The following DDX46 variants were observed in gnomAD, a reference collection of about 807,000 sequenced individuals.
DDX46 encodes the protein DEAD-box helicase 46.
In DDX46, 30 loss-of-function variants were observed where a neutral mutation model predicts 134.9. The ratio of observed to expected loss-of-function variants is 0.22; its 90% CI spans 0.17 to 0.30. The LOEUF is 0.30. Among genes scored for constraint, DDX46 ranks in the 10% least tolerant of loss-of-function variants. The probability of loss-of-function intolerance (pLI) is 1.00; values close to 1 mark genes in which losing one functional copy is unlikely to be tolerated. For missense variants in DDX46, 622 were observed against 1,248.7 expected (o/e 0.50, Z 7.56); for synonymous variants, 415 against 404.1 (o/e 1.03, Z -0.32).
At position 134,758,830 on chromosome 5, in the gene DDX46, G is replaced by C. The variant is rs1753282409; in HGVS notation, c.-109G>C. 6.5e-7 allele frequency: 1 copy of C among 1,543,272 alleles called. No homozygotes were observed. Among genetic ancestry groups the C allele is most frequent in the Non-Finnish European group, 8.9e-7 (1 of 1,118,810 alleles). ...GCCGCCACAGCTGTAGGTGCTGCTA[G>C]TGTTTAGCGCTGGTCTTTGCCGGGC... On this transcript the variant is annotated 5_prime_UTR_variant, in exon 1 of 23. Transcript: ENST00000452510.
Position 134,770,885 on chromosome 5 carries a change from C to T in DDX46, c.351-18C>T, listed in dbSNP as rs1039134524. 2 of 1,553,172 alleles carry T rather than the reference C, an allele frequency of 1.3e-6. No individual in the cohort carries two copies. Among genetic ancestry groups the T allele is most frequent in the African/African-American group, 1.4e-5 (1 of 70,884 alleles). Reference sequence around the variant, plus strand: ...CAAATGAATGACATTTCTCTTGTCTCTTTTATTTTTTTGGTAGATCTAGGT... The same window carrying T: ...CAAATGAATGACATTTCTCTTGTCTTTTTTATTTTTTTGGTAGATCTAGGT... On this transcript the variant is annotated intron_variant, in intron 3 of 22. Transcript: ENST00000452510.
intron 5 of DDX46, among the ~76,000 whole-genome samples, chr5:134,775,682 T>TG (rs1361254894): frequency 1.3e-5 from 2 of 152,060 alleles, no homozygotes; most frequent in Non-Finnish European, 2.9e-5. Flanking sequence ...TTAGTAGAGA[T>TG]GGGGTTTCAC....
intron 11 of DDX46, 72 bp from the exon 12 acceptor site, chr5:134,788,441 A>G: frequency 7.7e-7 from 1 of 1,296,210 alleles, no homozygotes; most frequent in Admixed American, 1.8e-5. Context: ...CTAGGCAAGA[A>G]CTAAATGCAG....
chr5:134,766,190 A>G (rs952046890), intron 2 of DDX46, among the ~76,000 whole-genome samples: 1 of 152,170 alleles, frequency 6.6e-6, no homozygotes, highest in Non-Finnish European at 1.5e-5. Flanking sequence ...TAGATATTCT[A>G]TCTTAGACCA....
intron 18 of DDX46, among the ~76,000 whole-genome samples, chr5:134,815,224 G>A (rs1755254514): frequency 6.6e-6 from 1 of 152,194 alleles, no homozygotes; most frequent in South Asian, 2.1e-4. Context: ...TAAACGGACT[G>A]TTTTTATTGT....
chr5:134,829,314 T>G lies in DDX46; in HGVS notation c.*608T>G, dbSNP rs1341517750. ...TAATAGTATAAGGATTTTTTTGCATTTCTTTACACTGAGTGTAAAACTCTA... is the reference window on the plus strand; with the variant it reads ...TAATAGTATAAGGATTTTTTTGCATGTCTTTACACTGAGTGTAAAACTCTA... On this transcript the variant is annotated 3_prime_UTR_variant, in exon 23 of 23. Coordinates refer to ENST00000452510, the MANE Select transcript of DDX46 (RefSeq NM_001300860.2). 1 of 152,200 alleles carries G rather than the reference T, an allele frequency of 6.6e-6. No homozygotes were observed. Among genetic ancestry groups the G allele is most frequent in the Non-Finnish European group, 1.5e-5 (1 of 68,032 alleles). The allele number at this position is 152,200 out of a possible 1,614,324, so 9.4% of individuals were successfully genotyped here. A position where few individuals can be genotyped will look rare whatever the true frequency, so the allele number is the denominator to read the frequency against.
At chr5:134,759,720 C>T (rs190712974) in intron 1 of DDX46, among the ~76,000 whole-genome samples, 15 of 152,252 alleles carry the variant, frequency 9.9e-5, no homozygotes, top group Admixed American at 6.5e-4. Flanking sequence ...GCTAACAGTT[C>T]TTTGTTGAGG....
At chr5:134,760,570 A>C (rs1753346386) in intron 1 of DDX46, among the ~76,000 whole-genome samples, 1 of 152,194 alleles carries the variant, frequency 6.6e-6, no homozygotes, top group Non-Finnish European at 1.5e-5. Context: ...GCAATGAGTA[A>C]GATTTAATGG....
In DDX46 at chr5:134,782,048, A is replaced by G; in HGVS notation, c.1007A>G (p.Tyr336Cys). 6.3e-7 allele frequency: 1 copy of G among 1,594,698 alleles called. No individual in the cohort carries two copies. Among genetic ancestry groups the G allele is most frequent in the Non-Finnish European group, 8.5e-7 (1 of 1,176,022 alleles). The change falls in exon 8 of 23, where the codon TAT becomes TGT. Residue 336 changes from tyrosine (Y) to cysteine (C), a missense_variant. By Grantham distance (194) the Tyr-to-Cys change is radical. Transcript: ENST00000452510. ...TATGAGCCATTTAGGAAAAACTTCT[A>G]TGTTGAAGTTCCAGAACTAGCAAAA... ...IEYEPFRKNF[Y>C]VEVPELAKMS...
chr5:134,765,614 T>C (rs1215608742), intron 2 of DDX46, among the ~76,000 whole-genome samples: 1 of 151,978 alleles, frequency 6.6e-6, no homozygotes, highest in East Asian at 1.9e-4. Flanking sequence ...AAAAAAAGCT[T>C]TTCATAGAGA....
intron 21 of DDX46, among the ~76,000 whole-genome samples, chr5:134,821,069 G>T: frequency 6.9e-6 from 1 of 145,052 alleles, no homozygotes; most frequent in Non-Finnish European, 1.5e-5. Context: ...AGAGAGTCTT[G>T]CTCTGTTGCC....
In DDX46 at chr5:134,767,055, G is replaced by C; in HGVS notation, c.345G>C (p.Glu115Asp). The C allele has an allele frequency of 6.2e-7, 1 of 1,612,894 alleles. No individual in the cohort carries two copies. ...CTGGAAATAAAAGCAAGAAAACTGAGAATAGGTAATGTTATCATTGGGCTG... is the reference window on the plus strand; with the variant it reads ...CTGGAAATAAAAGCAAGAAAACTGACAATAGGTAATGTTATCATTGGGCTG... ...SSPGNKSKKT[E>D]NRSRSKEKTD... The change falls in exon 3 of 23, where the codon GAG becomes GAC. Residue 115 changes from glutamate to aspartate, a missense_variant. Transcript: ENST00000452510.
intron 1 of DDX46, among the ~76,000 whole-genome samples, chr5:134,760,745 T>A (rs1753352728): frequency 6.6e-6 from 1 of 152,176 alleles, no homozygotes; most frequent in South Asian, 2.1e-4. Context: ...TTGTTTTTGT[T>A]TTTGAGACAG....
In DDX46 at chr5:134,795,987, G is replaced by C; in HGVS notation, c.1792-1G>C. 1 of 1,612,490 alleles carries C rather than the reference G, an allele frequency of 6.2e-7. No homozygotes were observed. The highest frequency in any genetic ancestry group is 1.3e-5 in the African/African-American group (1 of 74,972). ...AACTTGATACAATATGGTGTTTTCA[G>C]ATTGTGATTGAAGAAGAAAAGAAAT... On this transcript the variant is annotated splice_acceptor_variant, in intron 14 of 22. Transcript: ENST00000452510. LOFTEE classifies it high-confidence loss of function.
chr5:134,794,227 A>G (rs1250266066), intron 13 of DDX46, among the ~76,000 whole-genome samples: 8 of 152,054 alleles, frequency 5.3e-5, no homozygotes, highest in Non-Finnish European at 8.8e-5. Flanking sequence ...CTTCAGAAAC[A>G]TGTGTACGCC....
chr5:134,785,303 C>T (rs1247928326), intron 10 of DDX46, among the ~76,000 whole-genome samples, 162 bp from the exon 11 acceptor site: 2 of 152,182 alleles, frequency 1.3e-5, no homozygotes, highest in Admixed American at 6.5e-5. Context: ...TTCCCCACAA[C>T]CTCTGCTGTT....
intron 15 of DDX46, among the ~76,000 whole-genome samples, chr5:134,807,175 C>CTTTTTTTT (rs11284486): frequency 3.3e-5 from 4 of 121,702 alleles, no homozygotes; most frequent in African/African-American, 6.2e-5. Flanking sequence ...CCACGCCTGG[C>CTTTTTTTT]TTTTTTTTTT....
chr5:134,780,132 GTGTGTGTA>G (rs1454281858), intron 6 of DDX46, among the ~76,000 whole-genome samples: 21 of 144,536 alleles, frequency 1.5e-4, no homozygotes, highest in South Asian at 7.2e-4. Context: ...GTGTGTGTGT[GTGTGTGTA>G]TATGTATATA....
At chr5:134,783,157 T>C in intron 9 of DDX46, 92 bp downstream of exon 9, 5 of 1,476,322 alleles carry the variant, frequency 3.4e-6, no homozygotes, top group Non-Finnish European at 4.5e-6. Context: ...ATTTTTACTC[T>C]AAAAAAACCC....
Sources: gnomAD v4.1 joint callset for allele counts (sites outside exome capture counted in the v4.1 genomes callset) on GRCh38, gnomAD v4.1.1 for gene constraint, MANE v1.5 for transcripts, NCBI Gene and HGNC (gene_info 2026-07-23, HGNC 2026-07-21) for gene names.